Variants in VTI1A observed in about 807,000 individuals in gnomAD.
The protein encoded by VTI1A is vesicle transport through interaction with t-SNAREs 1A, also known as vesicle transport through interaction with t-SNAREs homolog 1A.
VTI1A carries 22 observed loss-of-function variants against 34.9 expected under a neutral mutation model. That is an observed-to-expected ratio of 0.63 (90% confidence interval 0.45 to 0.90). The LOEUF (loss-of-function observed/expected upper bound fraction) is 0.90, where lower values mean the gene tolerates loss of function less well. Ranked by LOEUF, VTI1A falls within the 40% of genes least tolerant of loss-of-function variation. The probability of loss-of-function intolerance (pLI) is 0.00; values close to 1 mark genes in which losing one functional copy is unlikely to be tolerated. For missense variants in VTI1A, 268 were observed against 275.6 expected (o/e 0.97, Z 0.20); for synonymous variants, 87 against 97.3 (o/e 0.89, Z 0.62).
intron 7 of VTI1A, among the ~76,000 whole-genome samples, chr10:112,696,414 C>A (rs548579477): frequency 6.6e-6 from 1 of 152,158 alleles, no homozygotes; most frequent in East Asian, 1.9e-4. Flanking sequence ...ATTTCAAGAC[C>A]AACCTAAGTA....
intron 6 of VTI1A, among the ~76,000 whole-genome samples, chr10:112,668,720 G>A (rs189852212): frequency 1.8e-4 from 27 of 152,204 alleles, no homozygotes; most frequent in Admixed American, 1.3e-3. Flanking sequence ...TCCAGTTCTA[G>A]TATCCAGCTT....
chr10:112,493,371 T>C (rs923055624), intron 3 of VTI1A, among the ~76,000 whole-genome samples: 23 of 152,166 alleles, frequency 1.5e-4, no homozygotes, highest in African/African-American at 5.5e-4. Context: ...TTGATTCTTC[T>C]GGATTTTCTA....
chr10:112,835,933 C>T, the VTI1A span, among the ~76,000 whole-genome samples: 5 of 152,132 alleles, frequency 3.3e-5, no homozygotes, highest in African/African-American at 9.7e-5. Context: ...TGAAATTGCC[C>T]GCAAATGGAC....
intron 5 of VTI1A, chr10:112,548,668 G>T: frequency 8.5e-7 from 1 of 1,176,622 alleles, no homozygotes; most frequent in African/African-American, 1.5e-5. Context: ...TGGTGACTTT[G>T]CCAGCTCCAG....
chr10:112,554,266 A>C (rs141798409), intron 5 of VTI1A, among the ~76,000 whole-genome samples: 33 of 152,326 alleles, frequency 2.2e-4, no homozygotes, highest in Middle Eastern at 3.4e-3. Flanking sequence ...CTAAAAGTAC[A>C]CTTACACTGC....
intron 5 of VTI1A, among the ~76,000 whole-genome samples, chr10:112,635,653 G>A (rs553156140): frequency 1.3e-5 from 2 of 152,232 alleles, no homozygotes; most frequent in East Asian, 3.9e-4. Flanking sequence ...TTTGTGAGAG[G>A]TTACAACAGT....
intron 7 of VTI1A, among the ~76,000 whole-genome samples, chr10:112,743,063 T>C (rs955240959): frequency 6.6e-6 from 1 of 150,828 alleles, no homozygotes; most frequent in Non-Finnish European, 1.5e-5. Context: ...TGTGTCTTCC[T>C]GAATGAATTA....
chr10:112,729,450 C>T (rs997975088), intron 7 of VTI1A, among the ~76,000 whole-genome samples: 1 of 152,160 alleles, frequency 6.6e-6, no homozygotes, highest in African/African-American at 2.4e-5. Context: ...TGCTAAGCAA[C>T]ATGCTTATTT....
chr10:112,757,373 T>TTTTTTTTTTTTTC, intron 7 of VTI1A, among the ~76,000 whole-genome samples: 1 of 134,602 alleles, frequency 7.4e-6, no homozygotes, highest in African/African-American at 2.9e-5. Context: ...TTTTTTTTTT[T>TTTTTTTTTTTTTC]TTTTTTTTTT....
downstream of VTI1A, among the ~76,000 whole-genome samples, chr10:112,821,951 A>G (rs1017176920): frequency 2.0e-5 from 3 of 152,130 alleles, no homozygotes; most frequent in African/African-American, 7.2e-5. Context: ...GGATGCCTGA[A>G]ACCCCACCCC....
chr10:112,518,163 T>C (rs183847235), intron 3 of VTI1A, among the ~76,000 whole-genome samples: 1 of 152,122 alleles, frequency 6.6e-6, no homozygotes, highest in African/African-American at 2.4e-5. Context: ...TATAATAAGC[T>C]GAGAAATGAC....
rs149858856 is a variant in VTI1A at position 112,712,474 on chromosome 10, T to TCTCA, written c.560+43477_560+43478insTCAC. Among the ~76,000 whole-genome samples the TCTCA allele has an allele frequency of 4.4e-3, 636 of 143,488 alleles. 4 individuals carry two copies. The highest frequency in any genetic ancestry group is 0.015 in the African/African-American group (587 of 38,054). 94.1% of individuals were successfully genotyped at this position (143,488 alleles called of 152,430 possible). A position where few individuals can be genotyped will look rare whatever the true frequency, so the allele number is the denominator to read the frequency against. ...TACAGCTAAATGAGATCAACTATTA[T>TCTCA]CACACACACACACACACACACACAC... On this transcript the variant is annotated intron_variant, in intron 7 of 7. Transcript: ENST00000393077.
chr10:112,551,172 G>T (rs1411124630), intron 5 of VTI1A, among the ~76,000 whole-genome samples: 1 of 148,648 alleles, frequency 6.7e-6, no homozygotes, highest in South Asian at 2.1e-4. Flanking sequence ...TGAACCCGGC[G>T]AGCGGAGCTT....
At chr10:112,721,289 G>T in intron 7 of VTI1A, among the ~76,000 whole-genome samples, 1 of 152,174 alleles carries the variant, frequency 6.6e-6, no homozygotes, top group East Asian at 1.9e-4. Context: ...GCATCAAGGA[G>T]CACTCACTTA....
chr10:112,704,383 A>G (rs1465679974), intron 7 of VTI1A, among the ~76,000 whole-genome samples: 1 of 151,830 alleles, frequency 6.6e-6, no homozygotes, highest in Non-Finnish European at 1.5e-5. Context: ...ACAATTATAT[A>G]TATATGACCC....
intron 3 of VTI1A, among the ~76,000 whole-genome samples, chr10:112,488,555 A>G (rs1213151007): frequency 6.6e-6 from 1 of 152,238 alleles, no homozygotes. Flanking sequence ...TGGCTTGAGC[A>G]AGAATTAGAA....
chr10:112,797,957 G>C (rs1216757887), intron 7 of VTI1A, among the ~76,000 whole-genome samples: 4 of 152,202 alleles, frequency 2.6e-5, no homozygotes, highest in Non-Finnish European at 5.9e-5. Context: ...CAGTATCTGT[G>C]AGATAGAAAC....
At chr10:112,491,614 T>C (rs1030643308) in intron 3 of VTI1A, among the ~76,000 whole-genome samples, 1 of 152,200 alleles carries the variant, frequency 6.6e-6, no homozygotes, top group African/African-American at 2.4e-5. Context: ...ATCTAATAGC[T>C]CCAAACAAAA....
Position 112,519,717 on chromosome 10 carries a change from G to A in VTI1A, c.265-7370G>A, listed in dbSNP as rs547704929. ...GTTCTGCCTCATCTTTCCTAGCTCC[G>A]TGGCCTTGGATAGATCATTCATCTG... On this transcript the variant is annotated intron_variant, in intron 3 of 7. Coordinates refer to ENST00000393077, the MANE Select transcript of VTI1A (RefSeq NM_145206.4). Among the ~76,000 whole-genome samples the A allele has an allele frequency of 3.3e-5, 5 of 152,128 alleles. No homozygotes were observed. The South Asian group carries it at 6.2e-4, about 19-fold the overall frequency.
Sources: allele counts gnomAD v4.1 joint callset (sites outside exome capture counted in the v4.1 genomes callset), GRCh38; gene constraint gnomAD v4.1.1; transcripts MANE v1.5; gene names NCBI Gene and HGNC (gene_info 2026-07-23, HGNC 2026-07-21).